The following LRRC37A2 variants were observed in gnomAD, a reference collection of about 807,000 sequenced individuals.
LRRC37A2 encodes leucine rich repeat containing 37 member A2, also known as leucine-rich repeat-containing protein 37A2.
LRRC37A2 carries 9 observed loss-of-function variants against 68.8 expected under a neutral mutation model. That is an observed-to-expected ratio of 0.13 (90% CI 0.08 to 0.23). The LOEUF is 0.23. LRRC37A2 is among the 10% of genes least tolerant of loss of function. The pLI, the probability that LRRC37A2 is intolerant of heterozygous loss-of-function variation, is 1.00. For synonymous variants in LRRC37A2, 63 were observed against 367.6 expected (o/e 0.17, Z 9.48); for missense variants, 168 against 950.4 (o/e 0.18, Z 10.82).
chr17:46,778,123 G>A, the LRRC37A2 span, among the ~76,000 whole-genome samples: 1 of 152,342 alleles, frequency 6.6e-6, no homozygotes, highest in East Asian at 1.9e-4. Context: ...TGGTTACGGT[G>A]TGTGTGGAGC....
At chr17:46,810,663 C>G in the LRRC37A2 span, among the ~76,000 whole-genome samples, 2 of 152,002 alleles carry the variant, frequency 1.3e-5, no homozygotes, top group Non-Finnish European at 2.9e-5. Flanking sequence ...GCACCCCCCA[C>G]CCTTCCCTGA....
chr17:46,880,667 G>T, the LRRC37A2 span, among the ~76,000 whole-genome samples: 1 of 152,196 alleles, frequency 6.6e-6, no homozygotes, highest in South Asian at 2.1e-4. Context: ...ATTGCAACTG[G>T]CAGGCAGTGG....
chr17:46,748,075 T>C, the LRRC37A2 span, among the ~76,000 whole-genome samples: 5 of 152,212 alleles, frequency 3.3e-5, no homozygotes, highest in Non-Finnish European at 7.3e-5. Flanking sequence ...CCTTCAAAAT[T>C]GTGAGAAAAA....
At chr17:47,034,243 A>G in the LRRC37A2 span, among the ~76,000 whole-genome samples, 1 of 152,246 alleles carries the variant, frequency 6.6e-6, no homozygotes, top group East Asian at 1.9e-4. Context: ...TGGTTTGTGG[A>G]AAAGAGTTGC....
intron 4 of LRRC37A2, among the ~76,000 whole-genome samples, chr17:46,521,240 G>C (rs2258679): frequency 1.9e-4 from 11 of 58,562 alleles, no homozygotes; most frequent in Middle Eastern, 0.011. Context: ...CCATAGAGGT[G>C]TGTATGTCAT....
At chr17:46,922,827 G>T in the LRRC37A2 span, 3 of 293,376 alleles carry the variant, frequency 1.0e-5, no homozygotes, top group Non-Finnish European at 1.9e-5. Context: ...TCCTCTCTGC[G>T]GCAGAGAACA....
chr17:46,936,579 G>C, the LRRC37A2 span: 70 of 985,414 alleles, frequency 7.1e-5, no homozygotes, highest in Non-Finnish European at 8.2e-5. Flanking sequence ...ACATAGGAGA[G>C]GGCATGAAGG....
the LRRC37A2 span, among the ~76,000 whole-genome samples, chr17:46,928,960 C>T: frequency 6.6e-6 from 1 of 152,062 alleles, no homozygotes; most frequent in Non-Finnish European, 1.5e-5. Context: ...CAGAGCTGCC[C>T]CTCTTTCTGT....
At chr17:46,907,365 C>A in the LRRC37A2 span, among the ~76,000 whole-genome samples, 1 of 151,882 alleles carries the variant, frequency 6.6e-6, no homozygotes, top group African/African-American at 2.4e-5. Context: ...AGAGGTTGAC[C>A]GTGGCAGTGA....
the LRRC37A2 span, among the ~76,000 whole-genome samples, chr17:46,879,064 C>T: frequency 1.3e-5 from 2 of 152,214 alleles, no homozygotes; most frequent in Non-Finnish European, 2.9e-5. Flanking sequence ...GGGAAATGCT[C>T]ACAGGGTATT....
chr17:46,733,458 T>C, the LRRC37A2 span, among the ~76,000 whole-genome samples: 1 of 152,214 alleles, frequency 6.6e-6, no homozygotes, highest in East Asian at 1.9e-4. Flanking sequence ...TTAAGCCTAT[T>C]AACCTCACTG....
the LRRC37A2 span, among the ~76,000 whole-genome samples, chr17:46,609,882 G>A: frequency 5.0e-5 from 7 of 140,234 alleles, 1 homozygote; most frequent in African/African-American, 1.8e-4. Context: ...CTGGAATGCA[G>A]TGGCGTGATC....
chr17:46,891,527 T>C, the LRRC37A2 span, among the ~76,000 whole-genome samples: 1 of 152,142 alleles, frequency 6.6e-6, no homozygotes, highest in Non-Finnish European at 1.5e-5. Flanking sequence ...TCTGAGAGGC[T>C]TCCAAGGGGT....
chr17:46,545,043 T>C (rs2056066554), intron 8 of LRRC37A2, among the ~76,000 whole-genome samples: 1 of 138,844 alleles, frequency 7.2e-6, no homozygotes, highest in Non-Finnish European at 1.6e-5. Context: ...GGAAAAATAC[T>C]GCATAGGTGA....
At chr17:46,558,668 G>A (rs1299332458), downstream of LRRC37A2, among the ~76,000 whole-genome samples, 3 of 130,636 alleles carry the variant, frequency 2.3e-5, 1 homozygote, top group African/African-American at 9.0e-5. Context: ...TGGGATTACA[G>A]GCATGAGTCA....
chr17:46,818,755 G>A, the LRRC37A2 span: 4 of 745,494 alleles, frequency 5.4e-6, no homozygotes, highest in South Asian at 3.3e-5. Context: ...AGCCCAGCGC[G>A]GAGCAGCCGG....
the LRRC37A2 span, among the ~76,000 whole-genome samples, chr17:46,991,126 A>C: frequency 6.6e-6 from 1 of 152,142 alleles, no homozygotes; most frequent in Non-Finnish European, 1.5e-5. Context: ...TTTGAATGTC[A>C]CTGGTACTGA....
the LRRC37A2 span, chr17:46,923,043 C>G: frequency 1.5e-6 from 1 of 674,876 alleles, no homozygotes; most frequent in African/African-American, 1.8e-5. Context: ...TCCGATCTCG[C>G]AACCACTGCT....
downstream of LRRC37A2, chr17:46,560,460 A>G (rs1348521388): frequency 4.8e-5 from 1 of 20,972 alleles, no homozygotes; most frequent in East Asian, 6.6e-4. Flanking sequence ...AGGTTAGTGA[A>G]ATTTCTCTAG....
Sources: gnomAD v4.1 joint callset for allele counts (sites outside exome capture counted in the v4.1 genomes callset) on GRCh38, gnomAD v4.1.1 for gene constraint, MANE v1.5 for transcripts, NCBI Gene and HGNC (gene_info 2026-07-23, HGNC 2026-07-21) for gene names.